The following EPN2 variants were observed in gnomAD, a reference collection of about 807,000 sequenced individuals.
The protein encoded by EPN2 is epsin-2.
EPN2 carries 34 observed loss-of-function variants against 61.7 expected under a neutral mutation model. The ratio of observed to expected loss-of-function variants is 0.55; its 90% CI spans 0.42 to 0.73. EPN2 has a LOEUF of 0.73. EPN2 is among the 30% of genes least tolerant of loss of function. EPN2 has a pLI of 0.00. For missense variants in EPN2, 714 were observed against 839.2 expected (o/e 0.85, Z 1.84); for synonymous variants, 349 against 353.6 (o/e 0.99, Z 0.15).
intron 1 of EPN2, among the ~76,000 whole-genome samples, chr17:19,243,479 G>GCCT (rs2044909484): frequency 7.6e-6 from 1 of 131,512 alleles, no homozygotes; most frequent in Non-Finnish European, 1.5e-5. Context: ...TGCAAGCTCC[G>GCCT]CCTCCCGGGT....
At chr17:19,307,015 G>C (rs1164081790) in intron 4 of EPN2, among the ~76,000 whole-genome samples, 1 of 152,120 alleles carries the variant, frequency 6.6e-6, no homozygotes, top group Non-Finnish European at 1.5e-5. Flanking sequence ...GGAACTGTCT[G>C]GCTTCCTTTA....
chr17:19,260,660 G>C (rs1403104487), intron 1 of EPN2, among the ~76,000 whole-genome samples: 1 of 151,236 alleles, frequency 6.6e-6, no homozygotes, highest in Admixed American at 6.6e-5. Flanking sequence ...CTTTTGAATA[G>C]GCAATACAGT....
intron 4 of EPN2, among the ~76,000 whole-genome samples, chr17:19,293,127 C>T (rs7502046): frequency 0.61 from 91,800 of 151,714 alleles, 32,495 homozygotes; most frequent in Non-Finnish European, 0.81. Flanking sequence ...GCCTGTAATC[C>T]CAGCATGTTG....
intron 1 of EPN2, among the ~76,000 whole-genome samples, chr17:19,278,589 A>G (rs1303499851): frequency 1.3e-5 from 2 of 152,182 alleles, no homozygotes; most frequent in Admixed American, 1.3e-4. Context: ...GAATTCTGGG[A>G]GACACAATTC....
intron 4 of EPN2, among the ~76,000 whole-genome samples, chr17:19,300,427 C>CG (rs35717704): frequency 6.4e-5 from 7 of 108,932 alleles, no homozygotes; most frequent in Non-Finnish European, 1.0e-4. Flanking sequence ...AACTGTAAAT[C>CG]TTTTTTTTTT....
At chr17:19,333,882 G>A (rs911272595) in intron 10 of EPN2, 74 bp from the exon 11 acceptor site, 4 of 1,317,954 alleles carry the variant, frequency 3.0e-6, no homozygotes, top group Non-Finnish European at 4.1e-6. Flanking sequence ...ACACCCGCAT[G>A]CAGTCCCTGA....
intron 1 of EPN2, among the ~76,000 whole-genome samples, chr17:19,254,871 C>A (rs2045057319): frequency 6.6e-6 from 1 of 152,120 alleles, no homozygotes; most frequent in Non-Finnish European, 1.5e-5. Context: ...TGTTTATGTA[C>A]CTCAGCGACA....
intron 4 of EPN2, among the ~76,000 whole-genome samples, chr17:19,295,366 A>ACACGCGTG (rs147719775): frequency 2.1e-5 from 3 of 140,318 alleles, no homozygotes; most frequent in Non-Finnish European, 3.1e-5. Flanking sequence ...ACACACACAC[A>ACACGCGTG]CGCGCGTGCG....
chr17:19,314,901 T>G (rs1906314240), intron 7 of EPN2, among the ~76,000 whole-genome samples: 1 of 152,226 alleles, frequency 6.6e-6, no homozygotes, highest in African/African-American at 2.4e-5. Flanking sequence ...GAAGAATGAT[T>G]AGTCTGTAAA....
At chr17:19,260,779 T>A (rs1356625162) in intron 1 of EPN2, among the ~76,000 whole-genome samples, 1 of 152,144 alleles carries the variant, frequency 6.6e-6, no homozygotes, top group Non-Finnish European at 1.5e-5. Context: ...TGTAGCAGTT[T>A]GAATACCCTT....
At chr17:19,293,692 C>G (rs911904215) in intron 4 of EPN2, among the ~76,000 whole-genome samples, 2 of 152,102 alleles carry the variant, frequency 1.3e-5, no homozygotes, top group African/African-American at 4.8e-5. Flanking sequence ...CAAGCCACCA[C>G]ACTCAGCCAG....
chr17:19,275,566 G>T (rs1318323391), intron 1 of EPN2, among the ~76,000 whole-genome samples: 1 of 152,168 alleles, frequency 6.6e-6, no homozygotes, highest in Non-Finnish European at 1.5e-5. Context: ...ATCCAGAGGG[G>T]TCTACAGGTG....
rs548230777 is a variant in EPN2, at chr17:19,242,607, TAGGCAGAGTG to T, written c.-294+5077_-294+5086del. ...ATTCTGTTTCCTGTTGGTCCTGGTC[TAGGCAGAGTG>T]TGCTTCACTTTCAAGCCCTCTAGAG... On this transcript the variant is annotated intron_variant, in intron 1 of 10. Coordinates refer to ENST00000314728, the MANE Select transcript of EPN2 (RefSeq NM_014964.5). Among the ~76,000 whole-genome samples the T allele has an allele frequency of 1.1e-3, 161 of 152,306 alleles. 1 individual carries two copies. The highest frequency in any genetic ancestry group is 6.8e-3 in the Middle Eastern group (2 of 294).
chr17:19,304,105 A>AAAAAT (rs111837782), intron 4 of EPN2, among the ~76,000 whole-genome samples: 1 of 151,354 alleles, frequency 6.6e-6, no homozygotes. Context: ...TCCGTCTCAA[A>AAAAAT]AAATAAATAA....
chr17:19,326,412 C>T lies in EPN2; in HGVS notation c.1148-2299C>T, dbSNP rs139914621. Among the ~76,000 whole-genome samples the T allele has an allele frequency of 4.3e-3, 655 of 152,234 alleles. 14 individuals are homozygous for T. Among genetic ancestry groups the T allele is most frequent in the Admixed American group, 0.032 (493 of 15,284 alleles). On this transcript the variant is annotated intron_variant, in intron 7 of 10. Coordinates refer to ENST00000314728, the MANE Select transcript of EPN2 (RefSeq NM_014964.5). ...AATTAAGAAGGTGCAAGTGGCCAGG[C>T]GTGGTGGCTCACGCCTGTAATCCCA...
At chr17:19,304,883 T>C (rs1340667319) in intron 4 of EPN2, among the ~76,000 whole-genome samples, 7 of 152,200 alleles carry the variant, frequency 4.6e-5, no homozygotes, top group African/African-American at 1.7e-4. Context: ...ACATGGGGTC[T>C]TCTCACGCCC....
intron 1 of EPN2, among the ~76,000 whole-genome samples, chr17:19,275,334 T>C (rs1188382895): frequency 6.6e-6 from 1 of 152,236 alleles, no homozygotes. Flanking sequence ...AAGCACACAT[T>C]GCTGTAGGTT....
intron 5 of EPN2, among the ~76,000 whole-genome samples, chr17:19,310,577 T>TTC (rs1555602493): frequency 8.2e-6 from 1 of 121,376 alleles, no homozygotes; most frequent in Non-Finnish European, 1.7e-5. Flanking sequence ...CTTTCTTTTT[T>TTC]TTTTTTTTTT....
At chr17:19,272,368 A>G (rs1191815571) in intron 1 of EPN2, among the ~76,000 whole-genome samples, 1 of 151,976 alleles carries the variant, frequency 6.6e-6, no homozygotes, top group Non-Finnish European at 1.5e-5. Context: ...GACTAACAAA[A>G]ACGTCTGCTG....
Sources: allele counts gnomAD v4.1 joint callset (sites outside exome capture counted in the v4.1 genomes callset), GRCh38; gene constraint gnomAD v4.1.1; transcripts MANE v1.5; gene names NCBI Gene and HGNC (gene_info 2026-07-23, HGNC 2026-07-21).